Variants in ARIH1 observed in about 807,000 individuals in gnomAD.
ARIH1 encodes the protein E3 ubiquitin-protein ligase ARIH1.
In ARIH1, 8 loss-of-function variants were observed where a neutral mutation model predicts 85.0. The ratio of observed to expected loss-of-function variants is 0.09; its 90% CI spans 0.06 to 0.17. The LOEUF is 0.17. Among genes scored for constraint, ARIH1 ranks in the 10% least tolerant of loss-of-function variants. ARIH1 has a pLI of 1.00. For synonymous variants in ARIH1, 238 were observed against 253.6 expected, an observed-to-expected ratio of 0.94 and a Z score of 0.59; for missense variants, 311 against 718.1, an observed-to-expected ratio of 0.43 and a Z score of 6.48.
chr15:72,502,764 C>A (rs1024446926), intron 1 of ARIH1, among the ~76,000 whole-genome samples: 5 of 152,104 alleles, frequency 3.3e-5, no homozygotes, highest in African/African-American at 1.2e-4. Flanking sequence ...CAAGATCTCG[C>A]CACTGTACTC....
chr15:72,518,750 T>C (rs912339585), intron 2 of ARIH1, among the ~76,000 whole-genome samples: 3 of 143,390 alleles, frequency 2.1e-5, no homozygotes, highest in Non-Finnish European at 4.5e-5. Context: ...ATGGCGCTAC[T>C]ACACTCCAGC....
chr15:72,580,495 A>G (rs1276183265), intron 11 of ARIH1: 4 of 470,706 alleles, frequency 8.5e-6, no homozygotes, highest in African/African-American at 7.8e-5. Flanking sequence ...CAGTTTTTTA[A>G]GGAACCTCCC....
chr15:72,546,187 G>A (rs902820917), intron 3 of ARIH1, among the ~76,000 whole-genome samples: 5 of 151,982 alleles, frequency 3.3e-5, no homozygotes, highest in African/African-American at 7.3e-5. Context: ...AACTACAGAC[G>A]TGCACCATCA....
intron 1 of ARIH1, among the ~76,000 whole-genome samples, chr15:72,495,796 A>G (rs1418503144): frequency 1.3e-5 from 2 of 152,194 alleles, no homozygotes; most frequent in Non-Finnish European, 2.9e-5. Context: ...TAGAATGTTG[A>G]GACATTGTTT....
chr15:72,493,604 A>T (rs1040427800), intron 1 of ARIH1, among the ~76,000 whole-genome samples: 1 of 152,228 alleles, frequency 6.6e-6, no homozygotes, highest in Non-Finnish European at 1.5e-5. Flanking sequence ...ATTTACAAAA[A>T]TAAAAGCACT....
intron 1 of ARIH1, among the ~76,000 whole-genome samples, chr15:72,505,480 A>G (rs934334436): frequency 6.6e-5 from 10 of 152,108 alleles, no homozygotes; most frequent in African/African-American, 1.4e-4. Context: ...AGCATAATTT[A>G]TAGGCAGTCT....
intron 1 of ARIH1, chr15:72,496,841 C>A: frequency 2.0e-6 from 2 of 985,392 alleles, no homozygotes; most frequent in South Asian, 9.4e-5. Flanking sequence ...AAAGGACAGG[C>A]GGGCTGCAGC....
At chr15:72,502,075 T>C (rs1195405943) in intron 1 of ARIH1, among the ~76,000 whole-genome samples, 3 of 152,208 alleles carry the variant, frequency 2.0e-5, no homozygotes, top group African/African-American at 7.2e-5. Context: ...TTTTTTGATA[T>C]AACATTGAAG....
chr15:72,508,866 G>T (rs1373615125), intron 1 of ARIH1, among the ~76,000 whole-genome samples: 1 of 151,354 alleles, frequency 6.6e-6, no homozygotes, highest in Non-Finnish European at 1.5e-5. Flanking sequence ...GCTAATTTTT[G>T]TATTTTTAGT....
intron 2 of ARIH1, among the ~76,000 whole-genome samples, chr15:72,534,055 G>T (rs1168270340): frequency 1.3e-5 from 2 of 152,012 alleles, no homozygotes; most frequent in African/African-American, 4.8e-5. Context: ...CAAAATAAAT[G>T]AGCAAAAGCT....
intron 12 of ARIH1, chr15:72,581,611 A>G (rs2064295505): frequency 6.3e-6 from 1 of 158,682 alleles, no homozygotes; most frequent in African/African-American, 2.4e-5. Flanking sequence ...TGACTAGCAG[A>G]TGGGACTTCA....
intron 1 of ARIH1, among the ~76,000 whole-genome samples, chr15:72,478,612 A>G (rs749133061): frequency 6.6e-6 from 1 of 152,172 alleles, no homozygotes; most frequent in Non-Finnish European, 1.5e-5. Flanking sequence ...CCTAAGGAGC[A>G]TATAGGGATA....
intron 1 of ARIH1, among the ~76,000 whole-genome samples, chr15:72,492,385 G>A (rs1318163786): frequency 6.6e-6 from 1 of 152,102 alleles, no homozygotes; most frequent in Non-Finnish European, 1.5e-5. Flanking sequence ...TTGCTTTAAA[G>A]GGAGAAGAGC....
intron 5 of ARIH1, among the ~76,000 whole-genome samples, chr15:72,559,778 G>A (rs920528053): frequency 3.3e-5 from 5 of 152,014 alleles, no homozygotes; most frequent in African/African-American, 1.2e-4. Context: ...TCATATAAAG[G>A]GAATCATGTA....
intron 1 of ARIH1, among the ~76,000 whole-genome samples, chr15:72,503,831 G>T (rs2063913215): frequency 6.6e-6 from 1 of 152,222 alleles, no homozygotes; most frequent in Non-Finnish European, 1.5e-5. Flanking sequence ...GATCTGGCTG[G>T]CTGCTTTGGG....
At chr15:72,525,077 G>C (rs994309183) in intron 2 of ARIH1, among the ~76,000 whole-genome samples, 9 of 152,054 alleles carry the variant, frequency 5.9e-5, no homozygotes, top group African/African-American at 2.2e-4. Context: ...TTTTAGTAGA[G>C]ATGGGGTTTC....
Position 72,587,538 on chromosome 15 carries a change from A to C in ARIH1, c.*4246A>C. The C allele has an allele frequency of 4.1e-6, 1 of 242,418 alleles. No homozygotes were observed. The highest frequency in any genetic ancestry group is 8.1e-6 in the Non-Finnish European group (1 of 123,012). The allele number at this position is 242,418 out of a possible 1,614,324, so 15.0% of individuals were successfully genotyped here. ...TAAAGAATTTTGGATAGTCTGCAGG[A>C]AATTGTTACAGGATGCACAGAACAT... On this transcript the variant is annotated 3_prime_UTR_variant, in exon 14 of 14. Coordinates refer to ENST00000379887, the MANE Select transcript of ARIH1 (RefSeq NM_005744.5).
At position 72,587,055 on chromosome 15, in the gene ARIH1, T is replaced by C. The variant is rs1283840815; in HGVS notation, c.*3763T>C. ...TTTAGGACAATTTAATTTACTCTTATTTGGATCTGTAATTATGGGAGTTTA... is the reference window on the plus strand; with the variant it reads ...TTTAGGACAATTTAATTTACTCTTACTTGGATCTGTAATTATGGGAGTTTA... On this transcript the variant is annotated 3_prime_UTR_variant, in exon 14 of 14. Transcript: ENST00000379887. 5.2e-6 allele frequency: 2 copies of C among 387,270 alleles called. No individual in the cohort carries two copies. Among genetic ancestry groups the C allele is most frequent in the African/African-American group, 2.1e-5 (1 of 47,108 alleles). The allele number at this position is 387,270 out of a possible 1,614,324, so 24.0% of individuals were successfully genotyped here. A position where few individuals can be genotyped will look rare whatever the true frequency, so the allele number is the denominator to read the frequency against.
rs1181583983 is a variant in ARIH1, at chr15:72,587,424, GT to G, written c.*4134del. 8.7e-6 allele frequency: 3 copies of G among 343,314 alleles called. No homozygotes were observed. The highest frequency in any genetic ancestry group is 1.7e-5 in the Non-Finnish European group (3 of 174,026). The allele number at this position is 343,314 out of a possible 1,614,324, so 21.3% of individuals were successfully genotyped here. On this transcript the variant is annotated 3_prime_UTR_variant, in exon 14 of 14. Transcript: ENST00000379887. ...ATTTGTTGCAGTTTGCAACACAGTAGTTGAGAATAAGTGGTTTAGTATGATT... is the reference window on the plus strand; with the variant it reads ...ATTTGTTGCAGTTTGCAACACAGTAGTGAGAATAAGTGGTTTAGTATGATT...
Sources: gnomAD v4.1 joint callset for allele counts (sites outside exome capture counted in the v4.1 genomes callset) on GRCh38, gnomAD v4.1.1 for gene constraint, MANE v1.5 for transcripts, NCBI Gene and HGNC (gene_info 2026-07-23, HGNC 2026-07-21) for gene names.